The following NECTIN2 variants were observed in gnomAD, a reference collection of about 807,000 sequenced individuals.
NECTIN2 encodes nectin cell adhesion molecule 2, also known as nectin-2.
NECTIN2 carries 23 observed loss-of-function variants against 56.9 expected under a neutral mutation model. The ratio of observed to expected loss-of-function variants is 0.40; its 90% confidence interval spans 0.29 to 0.57. The LOEUF is 0.57. Among genes scored for constraint, NECTIN2 ranks in the 20% least tolerant of loss-of-function variants. NECTIN2 has a pLI of 0.38. For synonymous variants in NECTIN2, 302 were observed against 313.8 expected (o/e 0.96, Z 0.40); for missense variants, 587 against 718.3 (o/e 0.82, Z 2.09).
At chr19:44,880,796 A>T (rs1437952550) in intron 5 of NECTIN2, among the ~76,000 whole-genome samples, 1 of 138,154 alleles carries the variant, frequency 7.2e-6, no homozygotes, top group Non-Finnish European at 1.5e-5. Flanking sequence ...TTTTTTTAAG[A>T]CGGAGTTTCA....
At chr19:44,852,534 A>T (rs1418977847) in intron 1 of NECTIN2, among the ~76,000 whole-genome samples, 1 of 151,452 alleles carries the variant, frequency 6.6e-6, no homozygotes, top group East Asian at 1.9e-4. Flanking sequence ...CTCAAAAAAA[A>T]AAAAAAACAG....
intron 1 of NECTIN2, among the ~76,000 whole-genome samples, chr19:44,858,394 G>C (rs1346367450): frequency 6.6e-6 from 1 of 151,862 alleles, no homozygotes; most frequent in Non-Finnish European, 1.5e-5. Context: ...CGCCCATGTT[G>C]GAGTGCAGTG....
At chr19:44,877,212 T>G (rs1172119720) in intron 5 of NECTIN2, among the ~76,000 whole-genome samples, 2 of 152,152 alleles carry the variant, frequency 1.3e-5, no homozygotes, top group Non-Finnish European at 2.9e-5. Context: ...CAGCCCCTCC[T>G]GTGTGTCGAG....
Position 44,882,232 on chromosome 19 carries a change from C to T in NECTIN2, c.1064C>T (p.Ala355Val). Residue 355 changes from alanine (A) to valine (V), a missense_variant, in exon 6 of 9, where the codon GCA becomes GTA. Coordinates refer to ENST00000252483, the MANE Select transcript of NECTIN2 (RefSeq NM_001042724.2). ...GCAGAGACCCCCAACACAGCAGGCG[C>T]AGGGGCCACAGGCGGCATCATCGGG... is the stretch of plus-strand genomic sequence containing the variant. Reference protein sequence around the residue: ...FVRETPNTAGAGATGGIIGGI... With the variant: ...FVRETPNTAGVGATGGIIGGI... 6.6e-7 allele frequency: 1 copy of T among 1,517,914 alleles called. No homozygotes were observed. Among genetic ancestry groups the T allele is most frequent in the South Asian group, 1.3e-5 (1 of 79,560 alleles). 94.0% of individuals were successfully genotyped at this position (1,517,914 alleles called of 1,614,324 possible). A position where few individuals can be genotyped will look rare whatever the true frequency, so the allele number is the denominator to read the frequency against.
intron 6 of NECTIN2, among the ~76,000 whole-genome samples, chr19:44,883,393 G>A (rs1969328932): frequency 6.6e-6 from 1 of 152,192 alleles, no homozygotes; most frequent in Admixed American, 6.5e-5. Context: ...TCCAGCCTCA[G>A]CCTCTCGAGT....
intron 1 of NECTIN2, among the ~76,000 whole-genome samples, chr19:44,863,701 C>A (rs1969059904): frequency 6.6e-6 from 1 of 151,244 alleles, no homozygotes; most frequent in Non-Finnish European, 1.5e-5. Context: ...AAAAATTAGC[C>A]AGGCATGGTG....
At chr19:44,866,998 C>T (rs1165642302) in intron 2 of NECTIN2, among the ~76,000 whole-genome samples, 1 of 151,940 alleles carries the variant, frequency 6.6e-6, no homozygotes, top group Admixed American at 6.6e-5. Context: ...CATAGTAAGA[C>T]TCTTGTCTCA....
At chr19:44,848,668 T>TCTCTCTCTCTCTCCCCTCCCC (rs1968865597) in intron 1 of NECTIN2, among the ~76,000 whole-genome samples, 1 of 143,112 alleles carries the variant, frequency 7.0e-6, no homozygotes, top group Non-Finnish European at 1.5e-5. Context: ...TCGCTCTCCC[T>TCTCTCTCTCTCTCCCCTCCCC]CTCTCTCTCT....
intron 6 of NECTIN2, 76 bp from the exon 7 acceptor site, chr19:44,885,861 C>G (rs1969354753): frequency 2.4e-6 from 3 of 1,224,758 alleles, no homozygotes; most frequent in Non-Finnish European, 3.6e-6. Context: ...GTAGAGGGAA[C>G]AGCATGTGCC....
intron 5 of NECTIN2, chr19:44,878,697 C>G: frequency 6.6e-7 from 1 of 1,515,338 alleles, no homozygotes. Flanking sequence ...GGGTTCCAGA[C>G]TGGTTGGACT....
At chr19:44,848,229 T>C (rs1968859776) in intron 1 of NECTIN2, among the ~76,000 whole-genome samples, 1 of 152,098 alleles carries the variant, frequency 6.6e-6, no homozygotes, top group African/African-American at 2.4e-5. Context: ...CACCTCTGGG[T>C]GAATTCTCCG....
At position 44,865,266 on chromosome 19, in the gene NECTIN2, CCCAGG is replaced by C; in HGVS notation, c.89-4_89del. 2 of 1,604,546 alleles carry C rather than the reference CCCAGG, an allele frequency of 1.2e-6. No homozygotes were observed. Among genetic ancestry groups the C allele is most frequent in the Non-Finnish European group, 1.7e-6 (2 of 1,174,102 alleles). The stretch of plus-strand genomic sequence containing the variant: ...ACTACTTCACTCTCTGTCCTCTCTG[CCCAGG>C]AGCCCAGGATGTGCGAGTTCAAGTG... On this transcript the variant is annotated splice_acceptor_variant and splice_polypyrimidine_tract_variant and coding_sequence_variant and intron_variant, in exon 2 of 9. Coordinates refer to ENST00000252483, the MANE Select transcript of NECTIN2 (RefSeq NM_001042724.2). LOFTEE classifies it high-confidence loss of function. This position sits in a 1 kb window ranked among gnomAD's most constrained non-coding sequence, Gnocchi z 5.2.
chr19:44,865,418 A>T lies in NECTIN2; in HGVS notation c.236A>T (p.His79Leu), dbSNP rs189675289. 33 of 1,614,066 alleles carry T rather than the reference A, an allele frequency of 2.0e-5. No homozygotes were observed. In the East Asian group the frequency reaches 7.1e-4, roughly 35 times the overall value. The change falls in exon 2 of 9, where the codon CAC (histidine) becomes CTC (leucine). Residue 79 changes from histidine to leucine, a missense_variant. By Grantham distance (99) the His-to-Leu change is moderately conservative. Transcript: ENST00000252483. This position sits in a 1 kb window ranked among gnomAD's most constrained non-coding sequence, Gnocchi z 5.2. ...TWQRPDAPAN[H>L]QNVAAFHPKM... ...CAGCGCCCAGATGCACCTGCGAACC[A>T]CCAGAATGTGGCCGCCTTCCACCCT...
intron 8 of NECTIN2, among the ~76,000 whole-genome samples, chr19:44,886,864 A>G (rs1969367106): frequency 6.6e-6 from 1 of 152,052 alleles, no homozygotes; most frequent in Non-Finnish European, 1.5e-5. Context: ...AACATGGGCT[A>G]CCCAGCAACA....
intron 6 of NECTIN2, among the ~76,000 whole-genome samples, chr19:44,884,157 A>C (rs1379656607): frequency 2.6e-5 from 4 of 151,686 alleles, no homozygotes; most frequent in Admixed American, 6.6e-5. Context: ...GAGGTATGCG[A>C]GCTATGCAAA....
At chr19:44,855,553 A>G (rs888186105) in intron 1 of NECTIN2, among the ~76,000 whole-genome samples, 3 of 152,060 alleles carry the variant, frequency 2.0e-5, no homozygotes, top group Admixed American at 2.0e-4. Flanking sequence ...TCTTTCGTTC[A>G]TCGTCCCTCC....
chr19:44,856,110 G>A (rs1242082560), intron 1 of NECTIN2, among the ~76,000 whole-genome samples: 1 of 152,132 alleles, frequency 6.6e-6, no homozygotes, highest in African/African-American at 2.4e-5. Flanking sequence ...AGGCCAGCCT[G>A]GCCAAGATGG....
chr19:44,882,134 G>C (rs935221753), intron 5 of NECTIN2, 77 bp from the exon 6 acceptor site: 2 of 1,274,094 alleles, frequency 1.6e-6, no homozygotes, highest in Non-Finnish European at 2.0e-6. Flanking sequence ...GCGATGATGT[G>C]GGGTGGGATG....
At chr19:44,866,239 G>T (rs1328300636) in intron 2 of NECTIN2, among the ~76,000 whole-genome samples, 1 of 151,904 alleles carries the variant, frequency 6.6e-6, no homozygotes, top group East Asian at 1.9e-4. Context: ...ACTTTGGGAG[G>T]CTGAGGCAGG....
Sources: allele counts gnomAD v4.1 joint callset (sites outside exome capture counted in the v4.1 genomes callset), GRCh38; gene constraint gnomAD v4.1.1; non-coding constraint Gnocchi (gnomAD v3.1); transcripts MANE v1.5; gene names NCBI Gene and HGNC (gene_info 2026-07-23, HGNC 2026-07-21).